The following QKI variants were observed in gnomAD, a reference collection of about 807,000 sequenced individuals.
The protein encoded by QKI is KH domain-containing RNA-binding protein QKI.
Under a neutral mutation model 39.0 loss-of-function variants are expected in QKI, and 10 were observed. The ratio of observed to expected loss-of-function variants is 0.26; its 90% confidence interval spans 0.16 to 0.43. QKI has a LOEUF of 0.43. Ranked by LOEUF, QKI falls within the 20% of genes least tolerant of loss-of-function variation. The pLI, the probability that QKI is intolerant of heterozygous loss-of-function variation, is 1.00. For missense variants in QKI, 218 were observed against 428.0 expected, an observed-to-expected ratio of 0.51 and a Z score of 4.33; for synonymous variants, 204 against 155.4, an observed-to-expected ratio of 1.31 and a Z score of -2.33.
intron 6 of QKI, chr6:163,565,746 T>TATAATAAA: frequency 8.0e-7 from 1 of 1,251,590 alleles, no homozygotes; most frequent in South Asian, 3.1e-5. Context: ...GAAAATTATT[T>TATAATAAA]TAAATTTCTA....
intron 2 of QKI, among the ~76,000 whole-genome samples, chr6:163,463,090 C>A (rs1221353805): frequency 1.3e-5 from 2 of 152,086 alleles, no homozygotes; most frequent in Admixed American, 1.3e-4. Context: ...AAAAACACAA[C>A]TGGACTAATT....
chr6:163,505,277 G>C (rs1779022898), intron 3 of QKI, among the ~76,000 whole-genome samples: 1 of 152,196 alleles, frequency 6.6e-6, no homozygotes, highest in South Asian at 2.1e-4. Context: ...GGAAATGTGA[G>C]GTTGGAACCC....
intron 4 of QKI, among the ~76,000 whole-genome samples, chr6:163,544,616 C>G (rs763774185): frequency 1.3e-5 from 2 of 152,076 alleles, no homozygotes; most frequent in Non-Finnish European, 2.9e-5. Context: ...CAGAAAAACA[C>G]CCGAAGTACA....
At chr6:163,454,641 T>A (rs956970586) in intron 1 of QKI, among the ~76,000 whole-genome samples, 7 of 152,166 alleles carry the variant, frequency 4.6e-5, no homozygotes, top group Admixed American at 2.0e-4. Flanking sequence ...TTGGTTTGGA[T>A]CTTCTTTTCC....
intron 2 of QKI, among the ~76,000 whole-genome samples, chr6:163,468,370 T>C (rs73784411): frequency 1.3e-5 from 2 of 152,336 alleles, no homozygotes; most frequent in South Asian, 2.1e-4. Flanking sequence ...GATTACACTT[T>C]ATCAGTTCTT....
chr6:163,502,585 A>G (rs1468437969), intron 3 of QKI, among the ~76,000 whole-genome samples: 1 of 152,116 alleles, frequency 6.6e-6, no homozygotes, highest in East Asian at 1.9e-4. Flanking sequence ...AAGGGGCTCC[A>G]TTGTAGGTTG....
At chr6:163,564,425 C>CA in intron 6 of QKI, 1 of 1,381,266 alleles carries the variant, frequency 7.2e-7, no homozygotes, top group Non-Finnish European at 9.4e-7. Flanking sequence ...GTTATGCAGG[C>CA]ATGACTGTAG....
In QKI at chr6:163,544,275, A is replaced by G. The variant is rs1413151598; in HGVS notation, c.546+9150A>G. On this transcript the variant is annotated intron_variant, in intron 4 of 7. Coordinates refer to ENST00000361752, the MANE Select transcript of QKI (RefSeq NM_006775.3). ...ATTATAAATAATCTAGAGATGATTTAAAGTAGACTGGAGCATGTGCGTAGG... is the reference window on the plus strand; with the variant it reads ...ATTATAAATAATCTAGAGATGATTTGAAGTAGACTGGAGCATGTGCGTAGG... Among the ~76,000 whole-genome samples the G allele has an allele frequency of 5.3e-5, 8 of 152,094 alleles. No individual in the cohort carries two copies. In the East Asian group the frequency reaches 1.5e-3, roughly 29 times the overall value.
intron 3 of QKI, among the ~76,000 whole-genome samples, chr6:163,487,001 A>G (rs1329310631): frequency 1.3e-5 from 2 of 152,286 alleles, no homozygotes; most frequent in East Asian, 1.9e-4. Context: ...TTCTTATGAA[A>G]TATGTTACTG....
At chr6:163,545,015 T>G (rs1274222802) in intron 4 of QKI, among the ~76,000 whole-genome samples, 1 of 152,162 alleles carries the variant, frequency 6.6e-6, no homozygotes, top group African/African-American at 2.4e-5. Flanking sequence ...GATAATGTCC[T>G]AAAATCTCAT....
intron 3 of QKI, among the ~76,000 whole-genome samples, chr6:163,484,038 G>A (rs925076816): frequency 2.6e-5 from 4 of 152,130 alleles, no homozygotes; most frequent in African/African-American, 9.7e-5. Context: ...AGAGATTTTG[G>A]GTTACCAGGT....
rs370256490 is a variant in QKI, at chr6:163,570,701, C to T, written c.1017C>T (p.Thr339=). Residue 339 remains threonine (T), a synonymous_variant, in exon 8 of 8, where the codon ACC becomes ACT. Coordinates refer to ENST00000361752, the MANE Select transcript of QKI (RefSeq NM_006775.3). ...TTGTTTCTAACCACCCAGCCGCCAC[C>T]GGCAACTAACCTATGACCTTCTGAC... The part of the protein sequence containing the change: ...QRIVTADRAA[T]GN 74 of 1,612,772 alleles carry T rather than the reference C, an allele frequency of 4.6e-5. 1 individual carries two copies. The African/African-American group carries it at 7.0e-4, about 15-fold the overall frequency.
At chr6:163,567,806 G>T in intron 7 of QKI, 1 of 985,248 alleles carries the variant, frequency 1.0e-6, no homozygotes, top group Non-Finnish European at 1.2e-6. Flanking sequence ...AATATTAGTG[G>T]AGGAAAAAGT....
intron 3 of QKI, among the ~76,000 whole-genome samples, chr6:163,501,401 T>A (rs1778755597): frequency 6.6e-6 from 1 of 152,318 alleles, no homozygotes; most frequent in Non-Finnish European, 1.5e-5. Flanking sequence ...CAATCTGATG[T>A]TTGAAAAGTA....
At chr6:163,552,291 C>T (rs1389301176) in intron 4 of QKI, among the ~76,000 whole-genome samples, 1 of 143,436 alleles carries the variant, frequency 7.0e-6, no homozygotes, top group Non-Finnish European at 1.5e-5. Flanking sequence ...TCACTGCAAG[C>T]TCCACCTCCC....
chr6:163,497,947 G>T (rs1778512440), intron 3 of QKI, among the ~76,000 whole-genome samples: 1 of 152,008 alleles, frequency 6.6e-6, no homozygotes, highest in South Asian at 2.1e-4. Flanking sequence ...GCTATCATGG[G>T]ATTTGTTAAG....
chr6:163,483,282 G>A (rs1420229073), intron 3 of QKI, among the ~76,000 whole-genome samples: 4 of 152,164 alleles, frequency 2.6e-5, no homozygotes, highest in Non-Finnish European at 5.9e-5. Context: ...GATGTTGATG[G>A]CATGTTGATG....
At chr6:163,520,367 T>TA (rs1203903414) in intron 3 of QKI, among the ~76,000 whole-genome samples, 3 of 152,136 alleles carry the variant, frequency 2.0e-5, no homozygotes, top group Admixed American at 1.3e-4. Context: ...TGGCATTTAT[T>TA]AAAAAAATCA....
chr6:163,503,692 C>T (rs1158872844), intron 3 of QKI, among the ~76,000 whole-genome samples: 3 of 151,960 alleles, frequency 2.0e-5, no homozygotes, highest in Non-Finnish European at 4.4e-5. Flanking sequence ...AGGATTCTTA[C>T]AGTTTGAGGT....
Sources: allele counts gnomAD v4.1 joint callset (sites outside exome capture counted in the v4.1 genomes callset), GRCh38; gene constraint gnomAD v4.1.1; transcripts MANE v1.5; gene names NCBI Gene and HGNC (gene_info 2026-07-23, HGNC 2026-07-21).